The following PPDPFL variants were observed in gnomAD, a reference collection of about 807,000 sequenced individuals.
PPDPFL encodes pancreatic progenitor cell differentiation and proliferation factor-like protein.
A neutral mutation model predicts 12.6 loss-of-function variants in PPDPFL; 12 were observed. The observed-to-expected ratio is 0.95, with a 90% confidence interval of 0.61 to 1.54. PPDPFL has a LOEUF of 1.54. PPDPFL is among the 40% of genes most tolerant of loss of function. The pLI, the probability that PPDPFL is intolerant of heterozygous loss-of-function variation, is 0.00. For synonymous variants in PPDPFL, 24 were observed against 32.7 expected (o/e 0.73, Z 0.91); for missense variants, 114 against 96.0 (o/e 1.19, Z -0.78).
intron 1 of PPDPFL, among the ~76,000 whole-genome samples, chr8:49,055,155 A>G (rs138242217): frequency 3.3e-5 from 5 of 152,112 alleles, no homozygotes; most frequent in African/African-American, 1.2e-4. Context: ...TCTGGGCTCT[A>G]TGATTTTACT....
chr8:49,060,487 A>G lies in PPDPFL; in HGVS notation c.-45+6118A>G, dbSNP rs867487649. Among the ~76,000 whole-genome samples, 25 of 151,868 alleles carry G rather than the reference A, an allele frequency of 1.6e-4. 1 individual carries two copies. The highest frequency in any genetic ancestry group is 5.8e-4 in the African/African-American group (24 of 41,392). ...CGGCACCACACCTGGCTAATTTTGT[A>G]TTTTTAGTAGAGACAGGGTTTCTCC... On this transcript the variant is annotated intron_variant, in intron 1 of 4. Transcript: ENST00000517663.
chr8:49,063,417 C>T (rs1346982813), intron 1 of PPDPFL, among the ~76,000 whole-genome samples: 1 of 152,100 alleles, frequency 6.6e-6, no homozygotes, highest in Non-Finnish European at 1.5e-5. Flanking sequence ...ACTAATGCTA[C>T]TTTTAAAGAT....
chr8:49,074,395 G>A, intron 4 of PPDPFL, 62 bp downstream of exon 4: 1 of 1,578,602 alleles, frequency 6.3e-7, no homozygotes, highest in South Asian at 1.1e-5. Flanking sequence ...AATGCATATG[G>A]TATGTGTTAT....
At chr8:49,055,864 C>A (rs963625556) in intron 1 of PPDPFL, among the ~76,000 whole-genome samples, 2 of 152,120 alleles carry the variant, frequency 1.3e-5, no homozygotes, top group African/African-American at 4.8e-5. Flanking sequence ...ACTTTCCTCC[C>A]AATGCTAAAA....
At chr8:49,074,877 G>T in intron 4 of PPDPFL, 1 of 1,384,094 alleles carries the variant, frequency 7.2e-7, no homozygotes. Flanking sequence ...TGAATGCCTA[G>T]TAACTAAATG....
chr8:49,070,398 G>A (rs924443897), upstream of PPDPFL, among the ~76,000 whole-genome samples: 1 of 152,172 alleles, frequency 6.6e-6, no homozygotes, highest in Non-Finnish European at 1.5e-5. Flanking sequence ...CAAAGTTAAA[G>A]AAAGTCTTAC....
intron 4 of PPDPFL, 190 bp from the exon 5 acceptor site, chr8:49,074,958 CCTAT>C (rs1004213918): frequency 3.5e-5 from 48 of 1,372,792 alleles, no homozygotes; most frequent in Middle Eastern, 5.3e-4. Flanking sequence ...TGATGAATTT[CCTAT>C]CTAAGACAAA....
In PPDPFL at chr8:49,075,300, C is replaced by T; in HGVS notation, c.*127C>T. On this transcript the variant is annotated 3_prime_UTR_variant, in exon 5 of 5. Coordinates refer to ENST00000522267, the MANE Select transcript of PPDPFL (RefSeq NM_001256597.2). ...TGCAGTGGTCCATACATGAACAGCT[C>T]CCCTTCAGCGCCCCAGCTATTCCAG... The T allele has an allele frequency of 1.3e-6, 2 of 1,592,886 alleles. No homozygotes were observed. The highest frequency in any genetic ancestry group is 1.7e-6 in the Non-Finnish European group (2 of 1,160,720).
intron 1 of PPDPFL, among the ~76,000 whole-genome samples, chr8:49,063,810 G>T (rs1808251650): frequency 6.6e-6 from 1 of 152,190 alleles, no homozygotes; most frequent in Non-Finnish European, 1.5e-5. Flanking sequence ...AGTAGATAAT[G>T]GTAGACTTCC....
At chr8:49,056,588 G>C (rs529824817) in intron 1 of PPDPFL, among the ~76,000 whole-genome samples, 2 of 152,262 alleles carry the variant, frequency 1.3e-5, no homozygotes, top group Non-Finnish European at 2.9e-5. Context: ...GTCTTTGAAT[G>C]AATCAATGGA....
intron 1 of PPDPFL, among the ~76,000 whole-genome samples, chr8:49,065,250 T>C (rs1006761820): frequency 2.6e-5 from 4 of 152,162 alleles, no homozygotes; most frequent in Non-Finnish European, 4.4e-5. Context: ...CCCCCCAGTG[T>C]ATGAGTTAAC....
intron 1 of PPDPFL, among the ~76,000 whole-genome samples, chr8:49,065,539 A>G (rs1448474159): frequency 6.6e-6 from 1 of 152,198 alleles, no homozygotes; most frequent in Non-Finnish European, 1.5e-5. Context: ...TGGGCAACTG[A>G]CTCATTATTC....
chr8:49,072,866 CAGAA>C lies in PPDPFL; in HGVS notation c.38_41del (p.Arg13IlefsTer15), dbSNP rs1197616218. ...TACCTTCCATTGGTTGCCTTCTAGC[CAGAA>C]ATCAGTATTATCGAAGTAAGTTGCA... On this transcript the variant is annotated frameshift_variant, in exon 2 of 5. Coordinates refer to ENST00000522267, the MANE Select transcript of PPDPFL (RefSeq NM_001256597.2). LOFTEE classifies it high-confidence loss of function. The C allele has an allele frequency of 6.2e-7, 1 of 1,606,174 alleles. No individual in the cohort carries two copies. The highest frequency in any genetic ancestry group is 8.5e-7 in the Non-Finnish European group (1 of 1,177,052).
chr8:49,064,372 C>G (rs1808260690), intron 1 of PPDPFL, among the ~76,000 whole-genome samples: 1 of 152,210 alleles, frequency 6.6e-6, no homozygotes, highest in African/African-American at 2.4e-5. Flanking sequence ...ACTGTGACCT[C>G]AAGTCCTCTG....
At chr8:49,065,237 C>T (rs551333204) in intron 1 of PPDPFL, among the ~76,000 whole-genome samples, 1 of 152,154 alleles carries the variant, frequency 6.6e-6, no homozygotes, top group Non-Finnish European at 1.5e-5. Flanking sequence ...GGGGAACTCA[C>T]CTCCCCCCAG....
chr8:49,074,606 TG>T, intron 4 of PPDPFL: 1 of 1,535,946 alleles, frequency 6.5e-7, no homozygotes, highest in Non-Finnish European at 8.7e-7. Context: ...TGGCGGGGGA[TG>T]GACTGAGAAT....
At chr8:49,073,552 A>T (rs1808431209) in intron 2 of PPDPFL, among the ~76,000 whole-genome samples, 1 of 152,180 alleles carries the variant, frequency 6.6e-6, no homozygotes, top group African/African-American at 2.4e-5. Flanking sequence ...ACGCTCATTT[A>T]CTTGGTGTTA....
At chr8:49,058,078 A>G (rs1808139583) in intron 1 of PPDPFL, among the ~76,000 whole-genome samples, 2 of 152,208 alleles carry the variant, frequency 1.3e-5, no homozygotes, top group South Asian at 4.1e-4. Context: ...CCTACATTTT[A>G]TTAGCCCTCA....
Position 49,062,299 on chromosome 8 carries a change from T to C in PPDPFL, c.-45+7930T>C, listed in dbSNP as rs191033906. On this transcript the variant is annotated intron_variant, in intron 1 of 4. Coordinates refer to the PPDPFL transcript ENST00000517663. ...CTAACACCCTGGCAAGGGCACCATGTGAAACCGATATGTTGTGAGGATAAT... is the reference window on the plus strand; with the variant it reads ...CTAACACCCTGGCAAGGGCACCATGCGAAACCGATATGTTGTGAGGATAAT... Among the ~76,000 whole-genome samples the C allele has an allele frequency of 4.8e-3, 738 of 152,290 alleles. 1 individual carries two copies. Among genetic ancestry groups the C allele is most frequent in the Non-Finnish European group, 7.8e-3 (534 of 68,032 alleles).
Sources: gnomAD v4.1 joint callset for allele counts (sites outside exome capture counted in the v4.1 genomes callset) on GRCh38, gnomAD v4.1.1 for gene constraint, MANE v1.5 for transcripts, NCBI Gene and HGNC (gene_info 2026-07-23, HGNC 2026-07-21) for gene names.